The following TTF1 variants were observed in gnomAD, a reference collection of about 807,000 sequenced individuals.
TTF1 encodes the protein transcription termination factor, RNA polymerase I.
A neutral mutation model predicts 80.2 loss-of-function variants in TTF1; 64 were observed. That is an observed-to-expected ratio of 0.80 (90% CI 0.65 to 0.98). TTF1 has a LOEUF of 0.98. Among genes scored for constraint, TTF1 ranks in the 50% least tolerant of loss-of-function variants. The pLI is 0.00. For missense variants in TTF1, 1,023 were observed against 1,086.2 expected (o/e 0.94, Z 0.82); for synonymous variants, 372 against 382.7 (o/e 0.97, Z 0.33).
intron 8 of TTF1, among the ~76,000 whole-genome samples, chr9:132,387,535 C>T (rs144695711): frequency 2.0e-4 from 31 of 152,216 alleles, no homozygotes; most frequent in South Asian, 1.7e-3. Flanking sequence ...GCAGGGCTCA[C>T]GTGTGAGGCA....
chr9:132,378,230 ATGCATGTGGTGTGAG>A lies in TTF1; in HGVS notation c.2464+814_2464+828del, dbSNP rs1232991835. Among the ~76,000 whole-genome samples the A allele has an allele frequency of 1.1e-3, 122 of 108,288 alleles. 2 individuals carry two copies. The highest frequency in any genetic ancestry group is 4.5e-3 in the African/African-American group (117 of 26,262). 71.0% of individuals were successfully genotyped at this position (108,288 alleles called of 152,430 possible). A position where few individuals can be genotyped will look rare whatever the true frequency, so the allele number is the denominator to read the frequency against. ...GTGAATGCATGTGGTGTGTGAGTGCATGCATGTGGTGTGAGTGCATGTGGTGTGTGTGAGTGCATG... is the reference window on the plus strand; with the variant it reads ...GTGAATGCATGTGGTGTGTGAGTGCATGCATGTGGTGTGTGTGAGTGCATG... On this transcript the variant is annotated intron_variant, in intron 10 of 10. Transcript: ENST00000334270.
chr9:132,393,110 G>A (rs1199447722), intron 5 of TTF1, among the ~76,000 whole-genome samples: 1 of 152,144 alleles, frequency 6.6e-6, no homozygotes, highest in South Asian at 2.1e-4. Context: ...AGATCTTGTC[G>A]GTTTCGTATA....
chr9:132,397,054 A>T (rs947707104), intron 4 of TTF1, among the ~76,000 whole-genome samples: 6 of 152,116 alleles, frequency 3.9e-5, no homozygotes, highest in African/African-American at 1.4e-4. Context: ...TGTCTTGAAG[A>T]GCAGATACAC....
chr9:132,401,037 G>A (rs1224213518), intron 2 of TTF1, among the ~76,000 whole-genome samples: 3 of 152,172 alleles, frequency 2.0e-5, no homozygotes, highest in Non-Finnish European at 4.4e-5. Context: ...CATTTAATAT[G>A]TATGTGCTAA....
At chr9:132,380,792 A>T (rs1849358709) in intron 9 of TTF1, among the ~76,000 whole-genome samples, 1 of 152,232 alleles carries the variant, frequency 6.6e-6, no homozygotes, top group South Asian at 2.1e-4. Flanking sequence ...TATTTCAAAT[A>T]GTATTTGACT....
chr9:132,394,331 G>A (rs1163205318), intron 5 of TTF1, among the ~76,000 whole-genome samples: 1 of 151,634 alleles, frequency 6.6e-6, no homozygotes, highest in Non-Finnish European at 1.5e-5. Context: ...CCAGGCTGGA[G>A]TGCAGTGGCG....
intron 3 of TTF1, among the ~76,000 whole-genome samples, chr9:132,399,230 C>A (rs1320395622): frequency 1.4e-5 from 2 of 138,602 alleles, no homozygotes; most frequent in Admixed American, 7.2e-5. Flanking sequence ...AAAAAAAAGT[C>A]TTTTATGAAA....
At chr9:132,404,892 TC>T (rs1849835403) in intron 1 of TTF1, among the ~76,000 whole-genome samples, 1 of 152,048 alleles carries the variant, frequency 6.6e-6, no homozygotes. Context: ...TTCTTTTTTT[TC>T]TTTTTTTTTT....
chr9:132,391,817 G>T (rs1407295068), intron 6 of TTF1, among the ~76,000 whole-genome samples: 1 of 152,178 alleles, frequency 6.6e-6, no homozygotes, highest in Non-Finnish European at 1.5e-5. Flanking sequence ...GTTTATTGGG[G>T]TCCTGGTCCA....
In TTF1 at chr9:132,375,951, G is replaced by A; in HGVS notation, c.2682C>T (p.Ser894=). The A allele has an allele frequency of 6.2e-7, 1 of 1,608,448 alleles. No homozygotes were observed. ...QAPCMAHACN[S]STLGGQGRWI... ...ACCGGCCTTGGCCTCCCAAAGTACTGGAATTACAGGCGTGAGCCATGCATG... is the reference window on the plus strand; with the variant it reads ...ACCGGCCTTGGCCTCCCAAAGTACTAGAATTACAGGCGTGAGCCATGCATG... The change falls in exon 11 of 11, where the codon TCC becomes TCT. Residue 894 remains serine, a synonymous_variant. Coordinates refer to ENST00000334270, the MANE Select transcript of TTF1 (RefSeq NM_007344.4).
intron 10 of TTF1, among the ~76,000 whole-genome samples, chr9:132,377,624 A>T (rs1337114356): frequency 2.6e-5 from 2 of 76,568 alleles, no homozygotes; most frequent in African/African-American, 5.3e-5. Context: ...ATGTGGTGTG[A>T]GTGCATGTGG....
intron 7 of TTF1, among the ~76,000 whole-genome samples, chr9:132,388,488 G>A (rs1280145028): frequency 2.6e-5 from 4 of 151,240 alleles, no homozygotes; most frequent in East Asian, 1.9e-4. Flanking sequence ...TTACAGGTGC[G>A]CACCACCACG....
At position 132,379,063 on chromosome 9, in the gene TTF1, A is replaced by T. The variant is rs746567394; in HGVS notation, c.2460T>A (p.Phe820Leu). The part of the protein sequence containing the change: ...VYVPFWQKKT[F>L]PEIIDYLYET... Reference sequence around the variant, plus strand: ...ATAAATATTAAGAATACTAACCTGGAAAAGTCTTTTTCTGCCAAAATGGAA... The same window carrying T: ...ATAAATATTAAGAATACTAACCTGGTAAAGTCTTTTTCTGCCAAAATGGAA... Residue 820 changes from phenylalanine to leucine, a missense_variant, in exon 10 of 11, where the codon TTT becomes TTA. Physicochemically the swap from Phe to Leu is conservative, Grantham distance 22. Coordinates refer to ENST00000334270, the MANE Select transcript of TTF1 (RefSeq NM_007344.4). 1 of 1,604,324 alleles carries T rather than the reference A, an allele frequency of 6.2e-7. No individual in the cohort carries two copies. The highest frequency in any genetic ancestry group is 1.3e-5 in the African/African-American group (1 of 74,464).
chr9:132,400,348 A>G, intron 2 of TTF1, 90 bp from the exon 3 acceptor site: 1 of 1,085,576 alleles, frequency 9.2e-7, no homozygotes, highest in Non-Finnish European at 1.4e-6. Flanking sequence ...TTCGTGAGAC[A>G]GAGGCTTGCT....
rs926395195 is a variant in TTF1, at chr9:132,376,140, A to T, written c.2493T>A (p.Thr831=). 1 of 1,613,684 alleles carries T rather than the reference A, an allele frequency of 6.2e-7. No homozygotes were observed. Among genetic ancestry groups the T allele is most frequent in the African/African-American group, 1.3e-5 (1 of 74,878 alleles). The change falls in exon 11 of 11, where the codon ACT becomes ACA. Residue 831 remains threonine, a synonymous_variant. Transcript: ENST00000334270. ...PEIIDYLYET[T]LPLLKEKLEK... ...CTAACTTTTCCTTCAGCAAAGGTAGAGTCGTCTCATAAAGGTAGTCGATGA... is the reference window on the plus strand; with the variant it reads ...CTAACTTTTCCTTCAGCAAAGGTAGTGTCGTCTCATAAAGGTAGTCGATGA...
chr9:132,396,670 GTTTGT>G (rs1396727750), intron 4 of TTF1, among the ~76,000 whole-genome samples, 159 bp from the exon 5 acceptor site: 1 of 87,494 alleles, frequency 1.1e-5, no homozygotes, highest in Non-Finnish European at 2.6e-5. Flanking sequence ...TGTTTTTTTT[GTTTGT>G]TTTTTTTTTT....
intron 8 of TTF1, 74 bp downstream of exon 8, chr9:132,388,065 C>G (rs1194969451): frequency 8.2e-7 from 1 of 1,217,292 alleles, no homozygotes; most frequent in African/African-American, 1.5e-5. Context: ...TCACTGCAGA[C>G]TCTGCTGGGT....
In TTF1 at chr9:132,375,844, G is replaced by A. The variant is rs892648866; in HGVS notation, c.*71C>T. 7.0e-5 allele frequency: 64 copies of A among 918,746 alleles called. No homozygotes were observed. The highest frequency in any genetic ancestry group is 9.6e-5 in the Non-Finnish European group (58 of 606,006). The allele number at this position is 918,746 out of a possible 1,614,324, so 56.9% of individuals were successfully genotyped here. The stretch of plus-strand genomic sequence containing the variant: ...ATTACAGGTGTGCACTACCACACCC[G>A]GCTAATTTTTGCATTTTTAATAGTG... On this transcript the variant is annotated 3_prime_UTR_variant, in exon 11 of 11. Coordinates refer to ENST00000334270, the MANE Select transcript of TTF1 (RefSeq NM_007344.4).
chr9:132,383,576 T>G (rs780949818), intron 9 of TTF1, among the ~76,000 whole-genome samples: 16 of 152,136 alleles, frequency 1.1e-4, no homozygotes, highest in Non-Finnish European at 2.1e-4. Context: ...GATGCGGGGT[T>G]CTTTCTGTTA....
Sources: allele counts gnomAD v4.1 joint callset (sites outside exome capture counted in the v4.1 genomes callset), GRCh38; gene constraint gnomAD v4.1.1; transcripts MANE v1.5; gene names NCBI Gene and HGNC (gene_info 2026-07-23, HGNC 2026-07-21).